The following ZNF664 variants were observed in gnomAD, a reference collection of about 807,000 sequenced individuals.
ZNF664 encodes zinc finger Organ of Corti 1.
ZNF664 carries 10 observed loss-of-function variants against 18.2 expected under a neutral mutation model. The observed-to-expected ratio is 0.55, with a 90% CI of 0.34 to 0.93. The LOEUF is 0.93. ZNF664 is among the 40% of genes least tolerant of loss of function. The pLI is 0.02. For synonymous variants in ZNF664, 119 were observed against 104.2 expected, an observed-to-expected ratio of 1.14 and a Z score of -0.86; for missense variants, 193 against 319.0, an observed-to-expected ratio of 0.61 and a Z score of 3.01.
chr12:123,988,675 A>T (rs932482179), intron 3 of ZNF664, among the ~76,000 whole-genome samples: 1 of 151,994 alleles, frequency 6.6e-6, no homozygotes, highest in Non-Finnish European at 1.5e-5. Context: ...TTTCACATTG[A>T]TCTGTGCAGA....
intron 3 of ZNF664, among the ~76,000 whole-genome samples, chr12:123,996,211 C>T (rs898694526): frequency 2.0e-5 from 3 of 152,154 alleles, no homozygotes; most frequent in Non-Finnish European, 4.4e-5. Context: ...TTAAGAGATG[C>T]AAGTATAGGT....
intron 2 of ZNF664, 41 bp downstream of exon 2, chr12:123,974,061 C>A: frequency 9.3e-7 from 1 of 1,080,834 alleles, no homozygotes; most frequent in South Asian, 4.6e-5. Flanking sequence ...CTCTGACTCC[C>A]GCCTCCGCAG....
chr12:123,975,944 T>C (rs1394735402), intron 2 of ZNF664, among the ~76,000 whole-genome samples: 3 of 152,198 alleles, frequency 2.0e-5, no homozygotes, highest in African/African-American at 7.2e-5. Flanking sequence ...TGCATCAGAG[T>C]TTTAATATTG....
intron 3 of ZNF664, among the ~76,000 whole-genome samples, chr12:124,001,702 A>G (rs574601165): frequency 3.9e-4 from 60 of 152,310 alleles, no homozygotes; most frequent in Admixed American, 2.0e-4. Flanking sequence ...AGCATTTCAC[A>G]TAGATTTATT....
chr12:124,004,249 G>C (rs1303586607), intron 3 of ZNF664, among the ~76,000 whole-genome samples: 1 of 152,190 alleles, frequency 6.6e-6, no homozygotes, highest in African/African-American at 2.4e-5. Context: ...TGGGTGGAGG[G>C]AGGGCATAAG....
chr12:124,011,127 A>C (rs1319496249), intron 3 of ZNF664, among the ~76,000 whole-genome samples: 1 of 152,260 alleles, frequency 6.6e-6, no homozygotes, highest in Non-Finnish European at 1.5e-5. Flanking sequence ...AAGGCAAGTC[A>C]AATACGATGT....
chr12:123,973,710 C>T (rs1231159694), intron 1 of ZNF664, 176 bp from the exon 2 acceptor site: 4 of 1,119,450 alleles, frequency 3.6e-6, no homozygotes, highest in Admixed American at 4.4e-5. Context: ...GAGCCAGGCT[C>T]CATTGTTGTT....
chr12:123,980,248 A>G (rs1281221661), intron 2 of ZNF664, among the ~76,000 whole-genome samples: 1 of 152,172 alleles, frequency 6.6e-6, no homozygotes, highest in African/African-American at 2.4e-5. Flanking sequence ...ATGTGTTTGC[A>G]TTGCTTCAGT....
intron 3 of ZNF664, among the ~76,000 whole-genome samples, chr12:123,994,941 G>A (rs1956930441): frequency 6.6e-6 from 1 of 152,222 alleles, no homozygotes; most frequent in South Asian, 2.1e-4. Flanking sequence ...ATCAGTGGGT[G>A]CTTAGCTAGT....
In ZNF664 at chr12:123,977,617, C is replaced by T. The variant is rs971945011; in HGVS notation, c.-757+3597C>T. Among the ~76,000 whole-genome samples, 11 of 152,152 alleles carry T rather than the reference C, an allele frequency of 7.2e-5. No individual in the cohort carries two copies. The East Asian group carries it at 9.7e-4, about 13-fold the overall frequency. The stretch of plus-strand genomic sequence containing the variant: ...GAAAGGTCTGAAGGGGTACCTTGAA[C>T]GGAAAGAGAGGCCATCTTCCGGGCT... On this transcript the variant is annotated intron_variant, in intron 2 of 4. Transcript: ENST00000337815.
At position 124,012,420 on chromosome 12, in the gene ZNF664, T is replaced by C. The variant is rs768819866; in HGVS notation, c.276T>C (p.Cys92=). 6.2e-7 allele frequency: 1 copy of C among 1,614,236 alleles called. No individual in the cohort carries two copies. Among genetic ancestry groups the C allele is most frequent in the Non-Finnish European group, 8.5e-7 (1 of 1,180,046 alleles). ...AGAAGCCCTATAAATGTTACGAGTG[T>C]GGCAAAGCCTTCAATTGGAGCTCCC... The part of the protein sequence containing the change: ...TVEKPYKCYE[C]GKAFNWSSHL... Residue 92 remains cysteine (C), a synonymous_variant, in exon 5 of 5, where the codon TGT becomes TGC. Transcript: ENST00000337815.
intron 2 of ZNF664, 152 bp downstream of exon 2, chr12:123,974,172 C>A: frequency 2.1e-6 from 1 of 473,060 alleles, no homozygotes; most frequent in South Asian, 1.1e-4. Context: ...CGTCCGGATC[C>A]ATCTCTCCGC....
In ZNF664 at chr12:123,976,528, A is replaced by G. The variant is rs143665034; in HGVS notation, c.-757+2508A>G. On this transcript the variant is annotated intron_variant, in intron 2 of 4. Transcript: ENST00000337815. Reference sequence around the variant, plus strand: ...ATGTAGGGCAGGTTAAAGTGGTTGTATTTTATCCCGAGTGAAATGGGAAAC... The same window carrying G: ...ATGTAGGGCAGGTTAAAGTGGTTGTGTTTTATCCCGAGTGAAATGGGAAAC... Among the ~76,000 whole-genome samples the G allele has an allele frequency of 7.9e-4, 121 of 152,280 alleles. 1 individual carries two copies. The East Asian group carries it at 0.017, about 22-fold the overall frequency.
At chr12:124,010,935 G>C (rs1205182667) in intron 3 of ZNF664, among the ~76,000 whole-genome samples, 1 of 152,200 alleles carries the variant, frequency 6.6e-6, no homozygotes, top group Non-Finnish European at 1.5e-5. Context: ...TAGGGTGTTT[G>C]AGAGCTGAAA....
In ZNF664 at chr12:124,001,518, C is replaced by T. The variant is rs143209599; in HGVS notation, c.-660-9863C>T. Among the ~76,000 whole-genome samples the T allele has an allele frequency of 7.6e-4, 116 of 152,322 alleles. 3 individuals carry two copies. The East Asian group carries it at 0.022, about 28-fold the overall frequency. Reference sequence around the variant, plus strand: ...TCCTGCCCCTCACCATGGTCCTCCACGCATGCCTTTCCCTCGGGTCATGTA... The same window carrying T: ...TCCTGCCCCTCACCATGGTCCTCCATGCATGCCTTTCCCTCGGGTCATGTA... On this transcript the variant is annotated intron_variant, in intron 3 of 4. Coordinates refer to ENST00000337815, the MANE Select transcript of ZNF664 (RefSeq NM_152437.3).
Position 124,012,854 on chromosome 12 carries a change from G to A in ZNF664, c.710G>A (p.Ser237Asn). ...TGTGATGAGTGCGGAAAGGCCTTCAGTCAGAGTACGAGCCTCTGCATCCAC... is the reference window on the plus strand; with the variant it reads ...TGTGATGAGTGCGGAAAGGCCTTCAATCAGAGTACGAGCCTCTGCATCCAC... Reference protein sequence around the residue: ...FKCDECGKAFSQSTSLCIHQR... With the variant: ...FKCDECGKAFNQSTSLCIHQR... Residue 237 changes from serine (S) to asparagine (N), a missense_variant, in exon 5 of 5, where the codon AGT (serine) becomes AAT (asparagine). This residue lies in a region of ZNF664 where 42 missense variants were observed against 46.4 expected (regional missense o/e 0.91). Transcript: ENST00000337815. The A allele has an allele frequency of 6.2e-7, 1 of 1,614,170 alleles. No individual in the cohort carries two copies. The highest frequency in any genetic ancestry group is 8.5e-7 in the Non-Finnish European group (1 of 1,180,024).
intron 3 of ZNF664, among the ~76,000 whole-genome samples, 194 bp downstream of exon 3, chr12:123,988,332 C>G (rs979277120): frequency 6.6e-6 from 1 of 152,208 alleles, no homozygotes; most frequent in Non-Finnish European, 1.5e-5. Flanking sequence ...GGACCACCTT[C>G]CTTACTCTAA....
intron 3 of ZNF664, among the ~76,000 whole-genome samples, chr12:124,001,243 A>G (rs1957008274): frequency 6.6e-6 from 1 of 152,226 alleles, no homozygotes; most frequent in African/African-American, 2.4e-5. Context: ...CCAAATGACT[A>G]AGATGATCCC....
intron 2 of ZNF664, among the ~76,000 whole-genome samples, chr12:123,975,205 G>A (rs1331362398): frequency 6.6e-6 from 1 of 152,080 alleles, no homozygotes; most frequent in Non-Finnish European, 1.5e-5. Context: ...GGTTTTATTA[G>A]CCTTTGTGAT....
Sources: allele counts gnomAD v4.1 joint callset (sites outside exome capture counted in the v4.1 genomes callset), GRCh38; gene constraint gnomAD v4.1.1; regional missense constraint gnomAD v4.1.1; transcripts MANE v1.5; gene names NCBI Gene and HGNC (gene_info 2026-07-23, HGNC 2026-07-21).